ACOX3: variants seen among roughly 807,000 people sequenced by gnomAD.
The protein encoded by ACOX3 is peroxisomal acyl-coenzyme A oxidase 3.
Under a neutral mutation model 81.5 loss-of-function variants are expected in ACOX3, and 73 were observed. The observed-to-expected ratio is 0.90, with a 90% CI of 0.74 to 1.09. The LOEUF (loss-of-function observed/expected upper bound fraction) is 1.09, where lower values mean the gene tolerates loss of function less well. Ranked by LOEUF, ACOX3 falls within the 50% of genes least tolerant of loss-of-function variation. The pLI, the probability that ACOX3 is intolerant of heterozygous loss-of-function variation, is 0.00. For missense variants in ACOX3, 947 were observed against 928.0 expected (o/e 1.02, Z -0.27); for synonymous variants, 387 against 375.1 (o/e 1.03, Z -0.37).
In ACOX3 at chr4:8,414,732, T is replaced by C. The variant is rs1370510462; in HGVS notation, c.453+122A>G. ...TATTTGGTGAGAAGCCTGAGAACAC[T>C]AGGAAACAAGAAGAGCATAAGCCCC... On this transcript the variant is annotated intron_variant, in intron 4 of 17. Transcript: ENST00000356406. The surrounding 1 kb of genome is among the most constrained non-coding windows in gnomAD (Gnocchi z 6.1). 12 of 936,400 alleles carry C rather than the reference T, an allele frequency of 1.3e-5. No homozygotes were observed. Among genetic ancestry groups the C allele is most frequent in the Middle Eastern group, 2.2e-4 (1 of 4,628 alleles). The allele number at this position is 936,400 out of a possible 1,614,324, so 58.0% of individuals were successfully genotyped here.
At chr4:8,418,919 A>G (rs1484966461) in intron 1 of ACOX3, among the ~76,000 whole-genome samples, 1 of 152,228 alleles carries the variant, frequency 6.6e-6, no homozygotes, top group Non-Finnish European at 1.5e-5. Context: ...TATGGTCAAC[A>G]TCATTAGCCA....
intron 14 of ACOX3, among the ~76,000 whole-genome samples, chr4:8,377,373 G>A (rs189059493): frequency 1.3e-5 from 2 of 152,182 alleles, no homozygotes; most frequent in South Asian, 4.1e-4. Context: ...ATGCTGCGGG[G>A]GCCAGAAAGA....
rs1170200271 is a variant in ACOX3 at position 8,399,271 on chromosome 4, A to G, written c.873+285T>C. Among the ~76,000 whole-genome samples the G allele has an allele frequency of 6.6e-6, 1 of 152,180 alleles. No individual in the cohort carries two copies. Among genetic ancestry groups the G allele is most frequent in the Non-Finnish European group, 1.5e-5 (1 of 68,018 alleles). The stretch of plus-strand genomic sequence containing the variant: ...CCCGTCTCCTTCAAATCCTCAGGGA[A>G]GCATCACTGGAAGCGAGCAGTCCTC... On this transcript the variant is annotated intron_variant, in intron 8 of 17. Transcript: ENST00000356406. This position sits in a 1 kb window ranked among gnomAD's most constrained non-coding sequence, Gnocchi z 4.9.
At chr4:8,376,596 T>G (rs188388569) in intron 14 of ACOX3, among the ~76,000 whole-genome samples, 1 of 152,236 alleles carries the variant, frequency 6.6e-6, no homozygotes, top group East Asian at 1.9e-4. Context: ...CCGCTGTGCT[T>G]CATGCCAGGC....
rs140342533 is a variant in ACOX3 at position 8,397,237 on chromosome 4, C to G, written c.874-118G>C. The G allele has an allele frequency of 1.1e-3, 1,077 of 1,014,522 alleles. 13 individuals are homozygous for G. The African/African-American group carries it at 0.016, about 15-fold the overall frequency. The allele number at this position is 1,014,522 out of a possible 1,614,324, so 62.8% of individuals were successfully genotyped here. On this transcript the variant is annotated intron_variant, in intron 8 of 17. Coordinates refer to ENST00000356406, the MANE Select transcript of ACOX3 (RefSeq NM_003501.3). Reference sequence around the variant, plus strand: ...TCCAAAGTAGACCTGTGCCCACCTGCCCAGGCCCCATCCCCAGGGCGCCCA... The same window carrying G: ...TCCAAAGTAGACCTGTGCCCACCTGGCCAGGCCCCATCCCCAGGGCGCCCA...
In ACOX3 at chr4:8,378,264, C is replaced by T. The variant is rs190743004; in HGVS notation, c.1654-3112G>A. ...AAGGGTTGGACTCTGTGACAGCTGG[C>T]CCGGGTGCAATCCTGGCCCCGGCAC... On this transcript the variant is annotated intron_variant, in intron 14 of 17. Coordinates refer to ENST00000356406, the MANE Select transcript of ACOX3 (RefSeq NM_003501.3). Among the ~76,000 whole-genome samples, 450 of 152,316 alleles carry T rather than the reference C, an allele frequency of 3.0e-3. 4 individuals are homozygous for T. Among genetic ancestry groups the T allele is most frequent in the African/African-American group, 0.01 (431 of 41,562 alleles).
Position 8,432,982 on chromosome 4 carries a change from A to G in ACOX3, c.-15+7666T>C, listed in dbSNP as rs767402986. 2.6e-5 allele frequency among the ~76,000 whole-genome samples: 4 copies of G among 152,272 alleles called. No individual in the cohort carries two copies. Among genetic ancestry groups the G allele is most frequent in the Non-Finnish European group, 5.9e-5 (4 of 68,054 alleles). ...AAGTGTGGGTCAGTAGCCAAAAGTA[A>G]CTACGGTATTGGACAGTGCAGACAT... On this transcript the variant is annotated intron_variant, in intron 1 of 17. Transcript: ENST00000356406. This position sits in a 1 kb window ranked among gnomAD's most constrained non-coding sequence, Gnocchi z 6.2.
intron 1 of ACOX3, among the ~76,000 whole-genome samples, chr4:8,434,271 C>CG (rs1397729587): frequency 6.6e-6 from 1 of 152,190 alleles, no homozygotes; most frequent in Non-Finnish European, 1.5e-5. Flanking sequence ...ATTTCTTTTT[C>CG]GGGGGGCTCC....
chr4:8,439,923 C>G (rs1724499901), intron 1 of ACOX3, among the ~76,000 whole-genome samples: 1 of 137,774 alleles, frequency 7.3e-6, no homozygotes, highest in African/African-American at 2.6e-5. Context: ...AGAGAGAAAG[C>G]AAAAAGTTAG....
At chr4:8,418,392 G>C (rs542227377) in intron 1 of ACOX3, among the ~76,000 whole-genome samples, 2 of 141,072 alleles carry the variant, frequency 1.4e-5, no homozygotes, top group East Asian at 4.4e-4. Flanking sequence ...CTGGGAGACA[G>C]AAGTTGCAGT....
At chr4:8,393,557 A>C (rs9291392) in intron 10 of ACOX3, among the ~76,000 whole-genome samples, 55,111 of 148,768 alleles carry the variant, frequency 0.37, 12,627 homozygotes, top group African/African-American at 0.66. Flanking sequence ...AGAATTTTTA[A>C]TTTTAAAAAA....
In ACOX3 at chr4:8,406,953, T is replaced by C. The variant is rs190701880; in HGVS notation, c.688-910A>G. Among the ~76,000 whole-genome samples the C allele has an allele frequency of 1.1e-4, 16 of 152,304 alleles. No individual in the cohort carries two copies. The highest frequency in any genetic ancestry group is 9.8e-4 in the Admixed American group (15 of 15,302). ...AGAGGTGGAGGAGTAGAGTCTTCTC[T>C]AAACTCCCCCAGGGAAAGGGAGACT... is the stretch of plus-strand genomic sequence containing the variant. On this transcript the variant is annotated intron_variant, in intron 6 of 17. Coordinates refer to ENST00000356406, the MANE Select transcript of ACOX3 (RefSeq NM_003501.3). The surrounding 1 kb of genome is among the most constrained non-coding windows in gnomAD (Gnocchi z 5.6).
intron 17 of ACOX3, among the ~76,000 whole-genome samples, chr4:8,367,806 CAAAAAAAAAAAA>C (rs535574857): frequency 2.1e-5 from 1 of 46,704 alleles, no homozygotes; most frequent in African/African-American, 6.3e-5. Flanking sequence ...CCCATCTTTA[CAAAAAAAAAAAA>C]AAAAAAAAAA....
intron 17 of ACOX3, among the ~76,000 whole-genome samples, chr4:8,367,478 C>T (rs1319753262): frequency 3.3e-5 from 5 of 151,000 alleles, no homozygotes; most frequent in African/African-American, 9.8e-5. Flanking sequence ...AGCAAAACTC[C>T]GTCTCAAAAC....
At chr4:8,413,686 C>T (rs921753316) in intron 5 of ACOX3, among the ~76,000 whole-genome samples, 30 of 148,924 alleles carry the variant, frequency 2.0e-4, no homozygotes, top group African/African-American at 6.9e-4. Flanking sequence ...ATCTGTGGCC[C>T]GTCTCACTGC....
In ACOX3 at chr4:8,414,286, AC is replaced by A; in HGVS notation, c.543+5del. Reference sequence around the variant, plus strand: ...ACTCAGGGACCCGGGGGAAGGTAATACCTACCTCAGTGGCAGGATCGTAGTG... The same window carrying A: ...ACTCAGGGACCCGGGGGAAGGTAATACTACCTCAGTGGCAGGATCGTAGTG... On this transcript the variant is annotated splice_donor_5th_base_variant and intron_variant, in intron 5 of 17. Coordinates refer to ENST00000356406, the MANE Select transcript of ACOX3 (RefSeq NM_003501.3). This position sits in a 1 kb window ranked among gnomAD's most constrained non-coding sequence, Gnocchi z 6.1. The A allele has an allele frequency of 4.3e-6, 7 of 1,611,250 alleles. No homozygotes were observed. Among genetic ancestry groups the A allele is most frequent in the Non-Finnish European group, 5.9e-6 (7 of 1,177,478 alleles).
chr4:8,436,698 T>G (rs1429201770), intron 1 of ACOX3, among the ~76,000 whole-genome samples: 3 of 152,048 alleles, frequency 2.0e-5, no homozygotes, highest in Admixed American at 6.6e-5. Flanking sequence ...TACATCCTAT[T>G]TAACCCTGAG....
intron 5 of ACOX3, among the ~76,000 whole-genome samples, chr4:8,412,757 G>A (rs1721864716): frequency 6.6e-6 from 1 of 152,064 alleles, no homozygotes; most frequent in African/African-American, 2.4e-5. Flanking sequence ...GTGGCAGGGA[G>A]GCAGGGCCAG....
Position 8,370,013 on chromosome 4 carries a change from A to G in ACOX3, c.1983+895T>C, listed in dbSNP as rs1262206550. 7.2e-5 allele frequency among the ~76,000 whole-genome samples: 11 copies of G among 152,322 alleles called. No individual in the cohort carries two copies. The highest frequency in any genetic ancestry group is 2.2e-4 in the African/African-American group (9 of 41,582). ...AGCATCGCTCCTCGAGGGCATCATC[A>G]GGTGGGAGGGAGACACAAGGTCAGT... is the stretch of plus-strand genomic sequence containing the variant. On this transcript the variant is annotated intron_variant, in intron 17 of 17. Coordinates refer to ENST00000356406, the MANE Select transcript of ACOX3 (RefSeq NM_003501.3). This position sits in a 1 kb window ranked among gnomAD's most constrained non-coding sequence, Gnocchi z 6.3.
Sources: allele counts gnomAD v4.1 joint callset (sites outside exome capture counted in the v4.1 genomes callset), GRCh38; gene constraint gnomAD v4.1.1; non-coding constraint Gnocchi (gnomAD v3.1); transcripts MANE v1.5; gene names NCBI Gene and HGNC (gene_info 2026-07-23, HGNC 2026-07-21).